Variants in BMP8A observed in about 807,000 individuals in gnomAD.
The protein encoded by BMP8A is BMP-8A.
Under a neutral mutation model 36.8 loss-of-function variants are expected in BMP8A, and 14 were observed. The observed-to-expected ratio is 0.38, with a 90% CI of 0.25 to 0.60. The LOEUF (loss-of-function observed/expected upper bound fraction) is 0.60. Among genes scored for constraint, BMP8A ranks in the 20% least tolerant of loss-of-function variants. BMP8A has a pLI of 0.63. For missense variants in BMP8A, 267 were observed against 551.1 expected (o/e 0.48, Z 5.16); for synonymous variants, 120 against 237.7 (o/e 0.50, Z 4.55).
chr1:39,503,467 A>G (rs1056828355), intron 1 of BMP8A, among the ~76,000 whole-genome samples: 2 of 152,040 alleles, frequency 1.3e-5, no homozygotes, highest in Admixed American at 6.5e-5. Flanking sequence ...TCTACAAAAA[A>G]TAAATTAGCC....
At chr1:39,496,081 G>C (rs1359418516) in intron 1 of BMP8A, among the ~76,000 whole-genome samples, 4 of 152,354 alleles carry the variant, frequency 2.6e-5, no homozygotes, top group Middle Eastern at 3.4e-3. Context: ...TGCCAGCCGT[G>C]TGACCTGGAA....
intron 1 of BMP8A, among the ~76,000 whole-genome samples, chr1:39,507,213 C>T (rs1645309551): frequency 6.6e-6 from 1 of 152,234 alleles, no homozygotes; most frequent in Admixed American, 6.5e-5. Context: ...GGACAGAGAG[C>T]ATCTCCCTCA....
At position 39,519,430 on chromosome 1, in the gene BMP8A, C is replaced by T. The variant is rs185278139; in HGVS notation, c.674-1946C>T. ...CTGCTTCCCCATAACCTTGACTCAC[C>T]GTGACTCAAGCCCTGCCCAGTGGAT... On this transcript the variant is annotated intron_variant, in intron 3 of 6. Transcript: ENST00000331593. Among the ~76,000 whole-genome samples, 3 of 136,996 alleles carry T rather than the reference C, an allele frequency of 2.2e-5. 1 individual carries two copies. Among genetic ancestry groups the T allele is most frequent in the Non-Finnish European group, 5.0e-5 (3 of 59,946 alleles). The allele number at this position is 136,996 out of a possible 152,430, so 89.9% of individuals were successfully genotyped here. A position where few individuals can be genotyped will look rare whatever the true frequency, so the allele number is the denominator to read the frequency against.
At position 39,527,592 on chromosome 1, in the gene BMP8A, CA is replaced by C. The variant is rs1398587809; in HGVS notation, c.*1795del. Among the ~76,000 whole-genome samples the C allele has an allele frequency of 6.6e-6, 1 of 152,208 alleles. No individual in the cohort carries two copies. The highest frequency in any genetic ancestry group is 2.4e-5 in the African/African-American group (1 of 41,450). ...GGGACAGCAGCCCCTCCACCTGGAC[CA>C]GGGAGGGCCTCCATGTGCAAGCGCA... On this transcript the variant is annotated 3_prime_UTR_variant, in exon 7 of 7. Coordinates refer to ENST00000331593, the MANE Select transcript of BMP8A (RefSeq NM_181809.4).
At chr1:39,507,445 C>A (rs984041658) in intron 1 of BMP8A, among the ~76,000 whole-genome samples, 1 of 152,200 alleles carries the variant, frequency 6.6e-6, no homozygotes, top group Non-Finnish European at 1.5e-5. Flanking sequence ...AGGCCTCGAG[C>A]GCTTTTGGCC....
At chr1:39,502,077 A>C (rs1267887517) in intron 1 of BMP8A, among the ~76,000 whole-genome samples, 1 of 152,086 alleles carries the variant, frequency 6.6e-6, no homozygotes, top group Non-Finnish European at 1.5e-5. Context: ...GTCTCTACTG[A>C]AAATACAAAA....
At chr1:39,502,324 A>G (rs1163531801) in intron 1 of BMP8A, among the ~76,000 whole-genome samples, 1 of 152,150 alleles carries the variant, frequency 6.6e-6, no homozygotes, top group Non-Finnish European at 1.5e-5. Context: ...TAAAAAATAT[A>G]TATGTACCAA....
intron 1 of BMP8A, among the ~76,000 whole-genome samples, chr1:39,501,026 G>A (rs1288985355): frequency 2.6e-5 from 4 of 152,240 alleles, no homozygotes; most frequent in African/African-American, 9.6e-5. Flanking sequence ...TCTGGTGAGA[G>A]CCTCAGGCTA....
At chr1:39,505,721 C>T (rs1299343730) in intron 1 of BMP8A, among the ~76,000 whole-genome samples, 1 of 152,110 alleles carries the variant, frequency 6.6e-6, no homozygotes, top group African/African-American at 2.4e-5. Flanking sequence ...GTGGCTCATG[C>T]CTGTAATCTC....
rs921852903 is a variant in BMP8A, at chr1:39,527,616, G to A, written c.*1818G>A. On this transcript the variant is annotated 3_prime_UTR_variant, in exon 7 of 7. Coordinates refer to ENST00000331593, the MANE Select transcript of BMP8A (RefSeq NM_181809.4). ...CCAGGGAGGGCCTCCATGTGCAAGC[G>A]CAGAGGAAGAGACCCTCTCATGTAC... is the stretch of plus-strand genomic sequence containing the variant. Among the ~76,000 whole-genome samples the A allele has an allele frequency of 7.2e-5, 11 of 152,228 alleles. No homozygotes were observed. Among genetic ancestry groups the A allele is most frequent in the African/African-American group, 2.2e-4 (9 of 41,456 alleles).
chr1:39,508,115 G>A (rs998416224), intron 1 of BMP8A, among the ~76,000 whole-genome samples: 1 of 152,186 alleles, frequency 6.6e-6, no homozygotes, highest in Non-Finnish European at 1.5e-5. Context: ...GCTAGGCGTG[G>A]TTGCTGGCGC....
intron 1 of BMP8A, among the ~76,000 whole-genome samples, chr1:39,492,623 C>G (rs1197156156): frequency 6.6e-6 from 1 of 152,188 alleles, no homozygotes; most frequent in African/African-American, 2.4e-5. Flanking sequence ...CCTGGGCTGC[C>G]CCGGGAAGAC....
intron 1 of BMP8A, among the ~76,000 whole-genome samples, chr1:39,497,496 G>T (rs1299628538): frequency 6.6e-6 from 1 of 152,158 alleles, no homozygotes; most frequent in Non-Finnish European, 1.5e-5. Flanking sequence ...ATTTTTGCTT[G>T]TGAAAACTCC....
At chr1:39,507,203 G>A (rs1473717075) in intron 1 of BMP8A, among the ~76,000 whole-genome samples, 1 of 152,208 alleles carries the variant, frequency 6.6e-6, no homozygotes, top group African/African-American at 2.4e-5. Flanking sequence ...GACACTGGCC[G>A]GACAGAGAGC....
Position 39,496,079 on chromosome 1 carries a change from G to A in BMP8A, c.334+3754G>A, listed in dbSNP as rs191686261. 7.2e-4 allele frequency among the ~76,000 whole-genome samples: 109 copies of A among 152,354 alleles called. 1 individual carries two copies. The highest frequency in any genetic ancestry group is 2.3e-3 in the African/African-American group (97 of 41,574). On this transcript the variant is annotated intron_variant, in intron 1 of 6. Coordinates refer to ENST00000331593, the MANE Select transcript of BMP8A (RefSeq NM_181809.4). ...GGGTCCTGCTCTGCCCTTGCCAGCC[G>A]TGTGACCTGGAACGGTGGCACCATC... is the stretch of plus-strand genomic sequence containing the variant.
intron 1 of BMP8A, among the ~76,000 whole-genome samples, chr1:39,501,412 T>C (rs1000616159): frequency 1.3e-5 from 2 of 152,162 alleles, no homozygotes; most frequent in South Asian, 4.1e-4. Context: ...TGGAGTGCCA[T>C]GGCACAGTGA....
intron 6 of BMP8A, 121 bp downstream of exon 6, chr1:39,523,238 G>A: frequency 8.2e-7 from 1 of 1,217,152 alleles, no homozygotes; most frequent in Non-Finnish European, 1.2e-6. Flanking sequence ...GGCTTTGTCT[G>A]CACAGAGTCA....
chr1:39,517,619 T>C (rs549222252), intron 3 of BMP8A, among the ~76,000 whole-genome samples: 8 of 152,352 alleles, frequency 5.3e-5, no homozygotes, highest in African/African-American at 1.9e-4. Context: ...CCCGGCCTTC[T>C]TGAACGTTTT....
intron 3 of BMP8A, chr1:39,515,117 TGACGG>T: frequency 6.3e-7 from 1 of 1,576,238 alleles, no homozygotes; most frequent in East Asian, 2.3e-5. Flanking sequence ...AGGACATCTC[TGACGG>T]GGCGACCGTC....
Sources: allele counts gnomAD v4.1 joint callset (sites outside exome capture counted in the v4.1 genomes callset), GRCh38; gene constraint gnomAD v4.1.1; transcripts MANE v1.5; gene names NCBI Gene and HGNC (gene_info 2026-07-23, HGNC 2026-07-21).